ADAM12: variants seen among roughly 807,000 people sequenced by gnomAD.
ADAM12 encodes the protein disintegrin and metalloproteinase domain-containing protein 12.
Under a neutral mutation model 106.4 loss-of-function variants are expected in ADAM12, and 70 were observed. The ratio of observed to expected loss-of-function variants is 0.66; its 90% CI spans 0.54 to 0.80. The LOEUF (loss-of-function observed/expected upper bound fraction) is 0.80. ADAM12 is among the 30% of genes least tolerant of loss of function. The probability of loss-of-function intolerance (pLI) is 0.00; values close to 1 mark genes in which losing one functional copy is unlikely to be tolerated. For missense variants in ADAM12, 1,010 were observed against 1,171.9 expected (o/e 0.86, Z 2.02); for synonymous variants, 420 against 433.5 (o/e 0.97, Z 0.39).
intron 3 of ADAM12, among the ~76,000 whole-genome samples, chr10:126,160,189 C>T (rs1956907305): frequency 6.6e-6 from 1 of 152,146 alleles, no homozygotes; most frequent in South Asian, 2.1e-4. Context: ...CAGCATACAA[C>T]AGAGTCTTGC....
At chr10:126,369,450 C>T (rs1347847888) in intron 1 of ADAM12, among the ~76,000 whole-genome samples, 1 of 152,122 alleles carries the variant, frequency 6.6e-6, no homozygotes, top group East Asian at 1.9e-4. Context: ...GGGGACCTTT[C>T]CTTGACTGGG....
intron 3 of ADAM12, among the ~76,000 whole-genome samples, chr10:126,259,883 G>C (rs1590697788): frequency 6.6e-6 from 1 of 152,200 alleles, no homozygotes. Context: ...GATGGTGATA[G>C]GGAAATGATG....
Position 126,290,494 on chromosome 10 carries a change from T to C in ADAM12, c.187-11506A>G, listed in dbSNP as rs1960099725. ...TATGATCGCTATGAGATTCAAATGG[T>C]AAAAAGGCTGTTTGGAAACCATCAT... On this transcript the variant is annotated intron_variant, in intron 2 of 22. Transcript: ENST00000448723. Among the ~76,000 whole-genome samples, 3 of 152,164 alleles carry C rather than the reference T, an allele frequency of 2.0e-5. No individual in the cohort carries two copies. The South Asian group carries it at 6.2e-4, about 32-fold the overall frequency.
At position 126,072,205 on chromosome 10, in the gene ADAM12, G is replaced by A. The variant is rs139053370; in HGVS notation, c.1146-551C>T. 5.1e-3 allele frequency among the ~76,000 whole-genome samples: 778 copies of A among 152,256 alleles called. 3 individuals carry two copies. Among genetic ancestry groups the A allele is most frequent in the Non-Finnish European group, 8.9e-3 (606 of 68,024 alleles). On this transcript the variant is annotated intron_variant, in intron 11 of 22. Coordinates refer to ENST00000448723, the MANE Select transcript of ADAM12 (RefSeq NM_001288973.2). ...CCCCCAGCACAGTTGTAAGAGAATG[G>A]AGGTGATCCAGAAATGCAGGTCTTA...
chr10:126,145,882 G>C (rs1396690495), intron 4 of ADAM12, among the ~76,000 whole-genome samples: 1 of 152,226 alleles, frequency 6.6e-6, no homozygotes, highest in Admixed American at 6.5e-5. Flanking sequence ...AAAAGGTAGG[G>C]CCGTCACCAC....
chr10:126,101,287 A>G (rs1465246317), intron 8 of ADAM12, 46 bp from the exon 9 acceptor site: 1 of 1,584,034 alleles, frequency 6.3e-7, no homozygotes, highest in Admixed American at 1.7e-5. Flanking sequence ...GATCACGTTA[A>G]TAAAAACTCG....
In ADAM12 at chr10:126,014,312, G is replaced by GTTTTTTTTTTTTTTTTTTTTTTTTTTT. The variant is rs145629858; in HGVS notation, c.*2966_*2967insAAAAAAAAAAAAAAAAAAAAAAAAAAA. The GTTTTTTTTTTTTTTTTTTTTTTTTTTT allele has an allele frequency of 1.1e-5, 1 of 87,670 alleles. No individual in the cohort carries two copies. 5.4% of individuals were successfully genotyped at this position (87,670 alleles called of 1,614,324 possible). A position where few individuals can be genotyped will look rare whatever the true frequency, so the allele number is the denominator to read the frequency against. Reference sequence around the variant, plus strand: ...AGAACATTTTGACACAGTTTTAGCCGGTTTTTTTTTTTTTTTTTTTTTTTT... The same window carrying GTTTTTTTTTTTTTTTTTTTTTTTTTTT: ...AGAACATTTTGACACAGTTTTAGCCGTTTTTTTTTTTTTTTTTTTTTTTTTTTGTTTTTTTTTTTTTTTTTTTTTTTT... On this transcript the variant is annotated 3_prime_UTR_variant, in exon 23 of 23. Coordinates refer to ENST00000448723, the MANE Select transcript of ADAM12 (RefSeq NM_001288973.2).
At chr10:126,194,859 A>C (rs1180374881) in intron 3 of ADAM12, among the ~76,000 whole-genome samples, 1 of 152,188 alleles carries the variant, frequency 6.6e-6, no homozygotes, top group African/African-American at 2.4e-5. Context: ...GAACATCTTC[A>C]AAACTTTGTC....
intron 7 of ADAM12, among the ~76,000 whole-genome samples, chr10:126,109,340 G>C (rs1955827946): frequency 6.6e-6 from 1 of 152,166 alleles, no homozygotes; most frequent in Admixed American, 6.5e-5. Flanking sequence ...TCAAGCTATA[G>C]CTCAGAGGGG....
chr10:126,027,530 A>G (rs989390621), intron 21 of ADAM12, among the ~76,000 whole-genome samples: 1 of 152,210 alleles, frequency 6.6e-6, no homozygotes, highest in African/African-American at 2.4e-5. Context: ...ACAATCAAGT[A>G]GGCTTCGTCC....
chr10:126,059,057 CATACT>C (rs1440386593), intron 14 of ADAM12, among the ~76,000 whole-genome samples: 6 of 152,050 alleles, frequency 3.9e-5, no homozygotes, highest in Non-Finnish European at 7.4e-5. Context: ...ATTTTGATAC[CATACT>C]ATATTTTATA....
chr10:126,128,026 G>T (rs1380503077), intron 5 of ADAM12, among the ~76,000 whole-genome samples: 1 of 152,122 alleles, frequency 6.6e-6, no homozygotes, highest in African/African-American at 2.4e-5. Flanking sequence ...AATTATGCAA[G>T]AGGTTTACCA....
At chr10:126,127,605 C>T (rs1039580891) in intron 5 of ADAM12, among the ~76,000 whole-genome samples, 1 of 152,200 alleles carries the variant, frequency 6.6e-6, no homozygotes, top group Non-Finnish European at 1.5e-5. Flanking sequence ...TAGACCTATA[C>T]GTTGCAGGCA....
intron 3 of ADAM12, among the ~76,000 whole-genome samples, chr10:126,212,739 T>G (rs1450042451): frequency 6.6e-6 from 1 of 152,180 alleles, no homozygotes; most frequent in Non-Finnish European, 1.5e-5. Context: ...CAGCTTTGAT[T>G]ATGGAGAGAT....
chr10:126,125,524 TG>T (rs1192148101), intron 5 of ADAM12, among the ~76,000 whole-genome samples: 1 of 152,122 alleles, frequency 6.6e-6, no homozygotes, highest in Non-Finnish European at 1.5e-5. Flanking sequence ...ATTACAGGCA[TG>T]AGCCACTGTG....
chr10:126,297,959 T>C (rs1192674971), intron 2 of ADAM12, among the ~76,000 whole-genome samples: 1 of 152,052 alleles, frequency 6.6e-6, no homozygotes, highest in Admixed American at 6.5e-5. Flanking sequence ...AGAGGCAGTA[T>C]TGATAACTCC....
At chr10:126,045,910 A>G (rs1954304705) in intron 17 of ADAM12, 145 bp downstream of exon 17, 3 of 678,574 alleles carry the variant, frequency 4.4e-6, no homozygotes, top group South Asian at 2.0e-5. Context: ...GTCAAAAGAA[A>G]TGAATACCTT....
At chr10:126,137,414 T>C (rs1956425192) in intron 4 of ADAM12, among the ~76,000 whole-genome samples, 2 of 152,238 alleles carry the variant, frequency 1.3e-5, no homozygotes, top group South Asian at 4.1e-4. Context: ...AAACTCACCT[T>C]TTAAAAGCAT....
chr10:126,287,040 C>T (rs771718907), intron 2 of ADAM12, among the ~76,000 whole-genome samples: 8 of 152,184 alleles, frequency 5.3e-5, no homozygotes, highest in Non-Finnish European at 5.9e-5. Flanking sequence ...CTTTGGTCCT[C>T]GTGATGCTCT....
Sources: gnomAD v4.1 joint callset for allele counts (sites outside exome capture counted in the v4.1 genomes callset) on GRCh38, gnomAD v4.1.1 for gene constraint, MANE v1.5 for transcripts, NCBI Gene and HGNC (gene_info 2026-07-23, HGNC 2026-07-21) for gene names.